The following LYST variants were observed in gnomAD, a reference collection of about 807,000 sequenced individuals.
LYST encodes lysosomal-trafficking regulator.
A neutral mutation model predicts 413.6 loss-of-function variants in LYST; 192 were observed. The ratio of observed to expected loss-of-function variants is 0.46; its 90% CI spans 0.41 to 0.52. The LOEUF is 0.52. Ranked by LOEUF, LYST falls within the 20% of genes least tolerant of loss-of-function variation. The probability of loss-of-function intolerance (pLI) is 0.00; values close to 1 mark genes in which losing one functional copy is unlikely to be tolerated. For missense variants in LYST, 3,815 were observed against 4,499.9 expected, an observed-to-expected ratio of 0.85 and a Z score of 4.35; for synonymous variants, 1,525 against 1,567.3, an observed-to-expected ratio of 0.97 and a Z score of 0.64.
At chr1:235,769,189 T>C (rs965428774) in intron 20 of LYST, among the ~76,000 whole-genome samples, 1 of 152,026 alleles carries the variant, frequency 6.6e-6, no homozygotes, top group Non-Finnish European at 1.5e-5. Context: ...AGTCTTAAGT[T>C]GCCACGTGGA....
At position 235,809,959 on chromosome 1, in the gene LYST, G is replaced by C. The variant is rs1673282401; in HGVS notation, c.859C>G (p.Pro287Ala). The C allele has an allele frequency of 1.2e-6, 2 of 1,613,368 alleles. No individual in the cohort carries two copies. The highest frequency in any genetic ancestry group is 1.3e-5 in the African/African-American group (1 of 74,896). Reference protein sequence around the residue: ...HNSPLAASVVPTLTEFLAGFG... With the variant: ...HNSPLAASVVATLTEFLAGFG... ...CCTGCTAGGAATTCAGTTAGTGTGGGCACTACACTGGCTGCTAAAGGAGAA... is the reference window on the plus strand; with the variant it reads ...CCTGCTAGGAATTCAGTTAGTGTGGCCACTACACTGGCTGCTAAAGGAGAA... Residue 287 changes from proline (P) to alanine (A), a missense_variant, in exon 5 of 53, where the codon CCC becomes GCC. By Grantham distance (27) the Pro-to-Ala change is conservative. This residue lies in a region of LYST where 1,648 missense variants were observed against 1,810.3 expected (regional missense o/e 0.91). Coordinates refer to ENST00000389793, the MANE Select transcript of LYST (RefSeq NM_000081.4). This position sits in a 1 kb window ranked among gnomAD's most constrained non-coding sequence, Gnocchi z 4.0.
At chr1:235,669,480 G>A (rs919255746) in intron 50 of LYST, among the ~76,000 whole-genome samples, 37 of 152,354 alleles carry the variant, frequency 2.4e-4, no homozygotes, top group African/African-American at 8.9e-4. Flanking sequence ...GATTGTGGGT[G>A]GAGTCTTCAT....
chr1:235,798,616 A>AAC (rs1671851065), intron 10 of LYST, among the ~76,000 whole-genome samples: 1 of 130,310 alleles, frequency 7.7e-6, no homozygotes, highest in South Asian at 2.4e-4. Context: ...AAAAAAAAAA[A>AAC]CACTGAAAAA....
chr1:235,812,996 T>C lies in LYST; in HGVS notation c.258A>G (p.Ile86Met), dbSNP rs1673626284. The change falls in exon 4 of 53, where the codon ATA becomes ATG. Residue 86 changes from isoleucine to methionine, a missense_variant. This residue lies in a region of LYST where 1,648 missense variants were observed against 1,810.3 expected (regional missense o/e 0.91). Transcript: ENST00000389793. ...CTGTTGCCTTTTCTTCTTGGACAGG[T>C]ATCTTCCATACCAGTGGAAGGAGAG... Reference protein sequence around the residue: ...LLSLLPLVWKIPVQEEKATDF... With the variant: ...LLSLLPLVWKMPVQEEKATDF... 1 of 1,611,278 alleles carries C rather than the reference T, an allele frequency of 6.2e-7. No individual in the cohort carries two copies. The highest frequency in any genetic ancestry group is 1.7e-5 in the Admixed American group (1 of 59,964).
intron 14 of LYST, among the ~76,000 whole-genome samples, chr1:235,786,066 C>T (rs1477218186): frequency 6.6e-6 from 1 of 152,082 alleles, no homozygotes; most frequent in Non-Finnish European, 1.5e-5. Flanking sequence ...GCCTTATTAG[C>T]CACTTAATTT....
In LYST at chr1:235,674,972, C is replaced by A. The variant is rs1331453479; in HGVS notation, c.11038+2119G>T. On this transcript the variant is annotated intron_variant, in intron 50 of 52. Transcript: ENST00000389793. This position sits in a 1 kb window ranked among gnomAD's most constrained non-coding sequence, Gnocchi z 4.1. ...TTGTATTCGTGGATCAAGGCAAAGG[C>A]TTATAGAAAAAGCTCTTACCAAAAC... 6.6e-6 allele frequency among the ~76,000 whole-genome samples: 1 copy of A among 152,158 alleles called. No individual in the cohort carries two copies. Among genetic ancestry groups the A allele is most frequent in the Non-Finnish European group, 1.5e-5 (1 of 68,030 alleles).
At chr1:235,802,754 C>T (rs945015878) in intron 8 of LYST, among the ~76,000 whole-genome samples, 154 bp downstream of exon 8, 1 of 152,090 alleles carries the variant, frequency 6.6e-6, no homozygotes, top group Non-Finnish European at 1.5e-5. Flanking sequence ...TATATGAATG[C>T]CAGACTGTTG....
chr1:235,828,901 A>C, intron 3 of LYST: 1 of 909,198 alleles, frequency 1.1e-6, no homozygotes, highest in Non-Finnish European at 1.3e-6. Context: ...ATTCATGAAA[A>C]AGAATAAAAA....
intron 1 of LYST, among the ~76,000 whole-genome samples, chr1:235,841,951 A>C (rs1677262151): frequency 6.6e-6 from 1 of 152,210 alleles, no homozygotes; most frequent in African/African-American, 2.4e-5. Context: ...TAGTGATGAC[A>C]GACAAAATAA....
At chr1:235,767,251 A>C (rs914307518) in intron 20 of LYST, among the ~76,000 whole-genome samples, 1 of 152,132 alleles carries the variant, frequency 6.6e-6, no homozygotes. Flanking sequence ...GTCCAAATAT[A>C]TATCTCTACA....
At position 235,809,641 on chromosome 1, in the gene LYST, T is replaced by C. The variant is rs887078851; in HGVS notation, c.1177A>G (p.Lys393Glu). 6.2e-7 allele frequency: 1 copy of C among 1,613,998 alleles called. No individual in the cohort carries two copies. The highest frequency in any genetic ancestry group is 8.5e-7 in the Non-Finnish European group (1 of 1,179,994). The change falls in exon 5 of 53, where the codon AAG becomes GAG. Residue 393 changes from lysine to glutamate, a missense_variant. Lys to Glu is a moderately conservative substitution (Grantham distance 56). Around this residue, in one of 4 missense-constraint regions of LYST, gnomAD observed 1,648 missense variants for 1,810.3 expected, o/e 0.91. Coordinates refer to ENST00000389793, the MANE Select transcript of LYST (RefSeq NM_000081.4). This position sits in a 1 kb window ranked among gnomAD's most constrained non-coding sequence, Gnocchi z 4.0. The part of the protein sequence containing the change: ...QEVQEDFVFS[K>E]YRHRALLLPE... ...AAAAGAAGGGCTCTATGACGATACT[T>C]TGAAAACACAAAATCTTCCTGAACC...
rs77091385 is a variant in LYST at position 235,809,132 on chromosome 1, C to G, written c.1686G>C (p.Gln562His). 9,217 of 1,614,118 alleles carry G rather than the reference C, an allele frequency of 5.7e-3. 35 individuals are homozygous for G. The highest frequency in any genetic ancestry group is 7.0e-3 in the Non-Finnish European group (8,266 of 1,179,974). ...CACAAGTGCTGCTCAAGGAAGCCTG[C>G]TGTAGTAAGCGCAAGCACTGATGGG... ...VCAHQCLRLL[Q>H]QASLSSTCVQ... The change falls in exon 5 of 53, where the codon CAG becomes CAC. Residue 562 changes from glutamine (Q) to histidine (H), a missense_variant. By Grantham distance (24) the Gln-to-His change is conservative (BLOSUM62 0). Around this residue, in one of 4 missense-constraint regions of LYST, gnomAD observed 1,648 missense variants for 1,810.3 expected, o/e 0.91. Coordinates refer to ENST00000389793, the MANE Select transcript of LYST (RefSeq NM_000081.4). This position sits in a 1 kb window ranked among gnomAD's most constrained non-coding sequence, Gnocchi z 4.0.
Position 235,780,798 on chromosome 1 carries a change from A to G in LYST, c.5214+67T>C, listed in dbSNP as rs79439395. 2.0e-3 allele frequency: 1,222 copies of G among 596,902 alleles called. 1 individual carries two copies. Among genetic ancestry groups the G allele is most frequent in the Non-Finnish European group, 2.8e-3 (1,006 of 355,986 alleles). The allele number at this position is 596,902 out of a possible 1,614,324, so 37.0% of individuals were successfully genotyped here. ...ATCTTTAGAAATCTAATTCATAACT[A>G]TACATTACAATAAATATACCTAAAT... is the stretch of plus-strand genomic sequence containing the variant. On this transcript the variant is annotated intron_variant, in intron 16 of 52. Coordinates refer to ENST00000389793, the MANE Select transcript of LYST (RefSeq NM_000081.4).
intron 25 of LYST, among the ~76,000 whole-genome samples, chr1:235,753,540 ATTCATCCATGAGCCC>A (rs1366398884): frequency 6.6e-6 from 1 of 152,190 alleles, no homozygotes; most frequent in African/African-American, 2.4e-5. Context: ...ATTTATTTTA[ATTCATCCATGAGCCC>A]TTTATGTCCA....
At position 235,753,093 on chromosome 1, in the gene LYST, G is replaced by C; in HGVS notation, c.7411C>G (p.Leu2471Val). 2 of 1,606,922 alleles carry C rather than the reference G, an allele frequency of 1.2e-6. No homozygotes were observed. Among genetic ancestry groups the C allele is most frequent in the Non-Finnish European group, 1.7e-6 (2 of 1,173,880 alleles). ...GCTACTGTATTACATAACACATAGA[G>C]TAGACCATTATCCAGCAACATATCT... The part of the protein sequence containing the change: ...VADMLLDNGL[L>V]YVLCNTVAAL... Residue 2471 changes from leucine to valine, a missense_variant, in exon 26 of 53, where the codon CTC (leucine) becomes GTC (valine). Transcript: ENST00000389793.
chr1:235,772,087 T>A (rs1668765224), intron 19 of LYST, among the ~76,000 whole-genome samples: 1 of 151,910 alleles, frequency 6.6e-6, no homozygotes, highest in Non-Finnish European at 1.5e-5. Flanking sequence ...TATCCAAGCA[T>A]GGTGGTGCAC....
At chr1:235,673,739 T>C (rs1659158391) in intron 50 of LYST, among the ~76,000 whole-genome samples, 1 of 152,324 alleles carries the variant, frequency 6.6e-6, no homozygotes, top group African/African-American at 2.4e-5. Context: ...TATCCTCTAT[T>C]GTTACCCCTT....
chr1:235,703,206 T>C (rs948379442), intron 44 of LYST, among the ~76,000 whole-genome samples: 1 of 152,220 alleles, frequency 6.6e-6, no homozygotes, highest in Non-Finnish European at 1.5e-5. Flanking sequence ...TAGTTATGTT[T>C]ATAAAATTAG....
rs1303932297 is a variant in LYST, at chr1:235,677,254, ATTC to A, written c.10941-69_10941-67del. 24 of 1,312,772 alleles carry A rather than the reference ATTC, an allele frequency of 1.8e-5. No homozygotes were observed. In the East Asian group the frequency reaches 2.8e-4, roughly 15 times the overall value. 81.3% of individuals were successfully genotyped at this position (1,312,772 alleles called of 1,614,324 possible). A position where few individuals can be genotyped will look rare whatever the true frequency, so the allele number is the denominator to read the frequency against. On this transcript the variant is annotated intron_variant, in intron 49 of 52. Transcript: ENST00000389793. ...TATAATTACATTCTCTTATTTTGTA[ATTC>A]TTCTTCTCAGTCTATGTACCTATTG...
Sources: gnomAD v4.1 joint callset for allele counts (sites outside exome capture counted in the v4.1 genomes callset) on GRCh38, gnomAD v4.1.1 for gene constraint, gnomAD v4.1.1 regional missense constraint, Gnocchi (gnomAD v3.1) non-coding constraint, MANE v1.5 for transcripts, NCBI Gene and HGNC (gene_info 2026-07-23, HGNC 2026-07-21) for gene names.